The following TACC2 variants were observed in gnomAD, a reference collection of about 807,000 sequenced individuals.
TACC2 encodes transforming acidic coiled-coil-containing protein 2.
Under a neutral mutation model 227.3 loss-of-function variants are expected in TACC2, and 137 were observed. That is an observed-to-expected ratio of 0.60 (90% confidence interval 0.52 to 0.69). The LOEUF (loss-of-function observed/expected upper bound fraction) is 0.69. TACC2 is among the 30% of genes least tolerant of loss of function. The pLI, the probability that TACC2 is intolerant of heterozygous loss-of-function variation, is 0.00. For synonymous variants in TACC2, 1,523 were observed against 1,487.5 expected, an observed-to-expected ratio of 1.02 and a Z score of -0.55; for missense variants, 3,470 against 3,694.4, an observed-to-expected ratio of 0.94 and a Z score of 1.57.
chr10:122,248,274 TC>T (rs1243383780), intron 19 of TACC2: 2 of 202,976 alleles, frequency 9.9e-6, no homozygotes, highest in African/African-American at 4.5e-5. Flanking sequence ...AACGCAAAAT[TC>T]ACTAGCGATG....
At chr10:122,129,586 G>A (rs78493362) in intron 5 of TACC2, among the ~76,000 whole-genome samples, 4,099 of 152,262 alleles carry the variant, frequency 0.027, 186 homozygotes, top group African/African-American at 0.092. Flanking sequence ...TTTTCAATGT[G>A]TGTTGCCAGA....
At chr10:122,120,205 G>A (rs1023061131) in intron 5 of TACC2, among the ~76,000 whole-genome samples, 5 of 152,108 alleles carry the variant, frequency 3.3e-5, no homozygotes, top group Non-Finnish European at 5.9e-5. Flanking sequence ...CCTGCCTCCC[G>A]TCCTTAACTC....
intron 7 of TACC2, among the ~76,000 whole-genome samples, chr10:122,190,419 A>C (rs1010065537): frequency 1.3e-5 from 2 of 152,140 alleles, no homozygotes; most frequent in Non-Finnish European, 2.9e-5. Flanking sequence ...GAGACCAAGA[A>C]AGTACTTGAA....
chr10:122,088,573 G>T lies in TACC2; in HGVS notation c.5555G>T (p.Gly1852Val). Residue 1852 changes from glycine to valine, a missense_variant, in exon 5 of 23, where the codon GGT (glycine) becomes GTT (valine). Around this residue, in one of 10 missense-constraint regions of TACC2, gnomAD observed 1,924 missense variants for 1,978.3 expected, o/e 0.97. Coordinates refer to ENST00000369005, the MANE Select transcript of TACC2 (RefSeq NM_206862.4). ...MDKVTSDETR[G>V]AEGTESSPVA... ...AAAGTCACTTCAGATGAGACCAGAG[G>T]TGCGGAAGGAACAGAAAGGTCAGCG... is the stretch of plus-strand genomic sequence containing the variant. The T allele has an allele frequency of 6.2e-7, 1 of 1,613,536 alleles. No homozygotes were observed.
In TACC2 at chr10:122,237,460, C is replaced by G. The variant is rs762281778; in HGVS notation, c.8193C>G (p.Thr2731=). 1.2e-6 allele frequency: 2 copies of G among 1,614,108 alleles called. No individual in the cohort carries two copies. Among genetic ancestry groups the G allele is most frequent in the East Asian group, 2.2e-5 (1 of 44,874 alleles). The change falls in exon 17 of 23, where the codon ACC becomes ACG. Residue 2731 remains threonine (T), a synonymous_variant. Transcript: ENST00000369005. ...CAGCCTTGTACTCCCGCATCGGGAC[C>G]GCTGAGGTGGAGAAACCTGCAGGCC... is the stretch of plus-strand genomic sequence containing the variant. ...SKTALYSRIG[T]AEVEKPAGLL...
chr10:122,245,997 C>T (rs1385940492), intron 19 of TACC2, among the ~76,000 whole-genome samples: 1 of 151,022 alleles, frequency 6.6e-6, no homozygotes, highest in Non-Finnish European at 1.5e-5. Context: ...TAGCCACTGG[C>T]TTGGGCAGCT....
chr10:122,222,336 A>T (rs2095538248), intron 11 of TACC2, among the ~76,000 whole-genome samples: 1 of 152,216 alleles, frequency 6.6e-6, no homozygotes, highest in African/African-American at 2.4e-5. Context: ...TTTTTTTTAC[A>T]TCCTCTCCAG....
intron 3 of TACC2, among the ~76,000 whole-genome samples, chr10:122,068,769 T>G (rs555380594): frequency 2.0e-4 from 31 of 151,760 alleles, no homozygotes; most frequent in African/African-American, 7.3e-4. Context: ...GTTCAAGTGA[T>G]TCTCCTGTCT....
chr10:122,058,177 G>A (rs1283844812), intron 3 of TACC2, among the ~76,000 whole-genome samples: 1 of 152,192 alleles, frequency 6.6e-6, no homozygotes, highest in African/African-American at 2.4e-5. Context: ...AGTGAGCATG[G>A]GGTGTAACAT....
At chr10:122,105,683 C>T (rs1262744622) in intron 5 of TACC2, among the ~76,000 whole-genome samples, 3 of 149,650 alleles carry the variant, frequency 2.0e-5, no homozygotes, top group African/African-American at 7.4e-5. Context: ...TGCAATGGCA[C>T]AATCTCAGCT....
chr10:121,992,953 T>TAAAA (rs879342913), intron 1 of TACC2, among the ~76,000 whole-genome samples: 1 of 130,270 alleles, frequency 7.7e-6, no homozygotes, highest in South Asian at 2.4e-4. Context: ...AGACTGTCTC[T>TAAAA]AAAAAAAAAA....
chr10:122,238,021 G>A lies in TACC2; in HGVS notation c.8332G>A (p.Glu2778Lys). 6.2e-7 allele frequency: 1 copy of A among 1,614,132 alleles called. No individual in the cohort carries two copies. The highest frequency in any genetic ancestry group is 8.5e-7 in the Non-Finnish European group (1 of 1,180,010). Residue 2778 changes from glutamate to lysine, a missense_variant, in exon 18 of 23, where the codon GAA becomes AAA. Physicochemically the swap from Glu to Lys is moderately conservative, Grantham distance 56 (BLOSUM62 1). This residue lies in a region of TACC2 where 65 missense variants were observed against 119.3 expected (regional missense o/e 0.54). Transcript: ENST00000369005. ...AGATAAATATGAAGAAAGCAGGCGG[G>A]AAGTGATGGAAATGAGGTCAGTTGG... ...WKDKYEESRR[E>K]VMEMRKIVAE...
chr10:121,992,447 C>G (rs574508143), intron 1 of TACC2, among the ~76,000 whole-genome samples: 14 of 152,316 alleles, frequency 9.2e-5, no homozygotes, highest in African/African-American at 3.4e-4. Flanking sequence ...CAGAATTACA[C>G]AAGAACTTCA....
At chr10:122,076,418 ACATT>A (rs1305553204) in intron 3 of TACC2, among the ~76,000 whole-genome samples, 1 of 152,170 alleles carries the variant, frequency 6.6e-6, no homozygotes, top group Non-Finnish European at 1.5e-5. Flanking sequence ...GAAGGGGAAA[ACATT>A]CATTCAATCC....
intron 5 of TACC2, among the ~76,000 whole-genome samples, chr10:122,123,283 C>T (rs974777317): frequency 2.0e-4 from 31 of 152,070 alleles, no homozygotes; most frequent in Non-Finnish European, 3.5e-4. Context: ...GGGATTACAG[C>T]TGTGAGCCAC....
chr10:122,083,159 C>T lies in TACC2; in HGVS notation c.659C>T (p.Pro220Leu), dbSNP rs1357167335. Reference protein sequence around the residue: ...KAPLCGEGDQPGGFESQEKEA... With the variant: ...KAPLCGEGDQLGGFESQEKEA... ...CCGCTGTGTGGAGAGGGGGACCAGC[C>T]TGGTGGTTTTGAGTCCCAAGAGAAA... The change falls in exon 4 of 23, where the codon CCT (proline) becomes CTT (leucine). Residue 220 changes from proline (P) to leucine (L), a missense_variant. Physicochemically the swap from Pro to Leu is moderately conservative, Grantham distance 98. Coordinates refer to ENST00000369005, the MANE Select transcript of TACC2 (RefSeq NM_206862.4). 2.5e-6 allele frequency: 4 copies of T among 1,613,220 alleles called. No homozygotes were observed. Among genetic ancestry groups the T allele is most frequent in the Non-Finnish European group, 3.4e-6 (4 of 1,180,024 alleles).
At position 121,995,655 on chromosome 10, in the gene TACC2, G is replaced by T. The variant is rs754864008; in HGVS notation, c.-46+6167G>T. ...GGCTTGGCACTAGCACCCACTTGGC[G>T]TCTGCTGCCGTCTCAGGAAGCTTTC... On this transcript the variant is annotated intron_variant, in intron 1 of 22. Transcript: ENST00000369005. 2.6e-5 allele frequency among the ~76,000 whole-genome samples: 4 copies of T among 152,296 alleles called. No homozygotes were observed. In the East Asian group the frequency reaches 7.7e-4, roughly 29 times the overall value.
At chr10:122,067,367 C>T (rs1001387123) in intron 3 of TACC2, among the ~76,000 whole-genome samples, 1 of 152,008 alleles carries the variant, frequency 6.6e-6, no homozygotes, top group African/African-American at 2.4e-5. Flanking sequence ...TTTCTGTATT[C>T]TGGCTTTCAT....
At chr10:122,062,138 A>G (rs2076905920) in intron 3 of TACC2, among the ~76,000 whole-genome samples, 1 of 141,100 alleles carries the variant, frequency 7.1e-6, no homozygotes, top group Non-Finnish European at 1.5e-5. Context: ...GGTTCACTCC[A>G]TTCTCTGCCT....
Sources: allele counts gnomAD v4.1 joint callset (sites outside exome capture counted in the v4.1 genomes callset), GRCh38; gene constraint gnomAD v4.1.1; regional missense constraint gnomAD v4.1.1; transcripts MANE v1.5; gene names NCBI Gene and HGNC (gene_info 2026-07-23, HGNC 2026-07-21).